Variants in BTBD9 observed in about 807,000 individuals in gnomAD.
BTBD9 encodes the protein BTB domain containing 9, also known as BTB/POZ domain-containing protein 9.
In BTBD9, 49 loss-of-function variants were observed where a neutral mutation model predicts 64.3. The ratio of observed to expected loss-of-function variants is 0.76; its 90% CI spans 0.61 to 0.97. BTBD9 has a LOEUF of 0.97. Among genes scored for constraint, BTBD9 ranks in the 50% least tolerant of loss-of-function variants. The pLI is 0.00. For missense variants in BTBD9, 598 were observed against 762.1 expected, an observed-to-expected ratio of 0.78 and a Z score of 2.53; for synonymous variants, 260 against 274.7, an observed-to-expected ratio of 0.95 and a Z score of 0.53.
intron 6 of BTBD9, among the ~76,000 whole-genome samples, chr6:38,511,367 G>C (rs1582553184): frequency 7.2e-6 from 1 of 139,778 alleles, no homozygotes; most frequent in Admixed American, 7.6e-5. Context: ...TTTTGAGACA[G>C]GGTCTCACTC....
intron 9 of BTBD9, among the ~76,000 whole-genome samples, chr6:38,250,526 T>C (rs1764354566): frequency 6.6e-6 from 1 of 152,170 alleles, no homozygotes; most frequent in African/African-American, 2.4e-5. Context: ...TCATGAACAA[T>C]GTTTATATGA....
chr6:38,400,555 C>A (rs1037320240), intron 6 of BTBD9, among the ~76,000 whole-genome samples: 2 of 152,130 alleles, frequency 1.3e-5, no homozygotes, highest in African/African-American at 4.8e-5. Context: ...CCTTTTGTAA[C>A]ATCTTCCCTA....
At chr6:38,603,389 T>C (rs1162939545) in intron 1 of BTBD9, among the ~76,000 whole-genome samples, 1 of 152,234 alleles carries the variant, frequency 6.6e-6, no homozygotes, top group Non-Finnish European at 1.5e-5. Flanking sequence ...TATTGCCTGC[T>C]TATTATTCAG....
intron 6 of BTBD9, among the ~76,000 whole-genome samples, chr6:38,419,857 C>T (rs1299239258): frequency 3.3e-5 from 5 of 151,898 alleles, no homozygotes; most frequent in South Asian, 4.2e-4. Context: ...GCAACAAGAG[C>T]GAAACTCCAT....
At chr6:38,564,060 G>A (rs964124722) in intron 6 of BTBD9, among the ~76,000 whole-genome samples, 2 of 152,232 alleles carry the variant, frequency 1.3e-5, no homozygotes, top group East Asian at 3.9e-4. Context: ...GGGATTACAG[G>A]CGTGAGCCAC....
intron 7 of BTBD9, among the ~76,000 whole-genome samples, chr6:38,341,945 T>C (rs1764119255): frequency 6.6e-6 from 1 of 152,168 alleles, no homozygotes; most frequent in African/African-American, 2.4e-5. Flanking sequence ...AAGCCTCCCA[T>C]GAGTCTGTGC....
At chr6:38,568,228 C>T (rs1400281135) in intron 6 of BTBD9, among the ~76,000 whole-genome samples, 8 of 152,164 alleles carry the variant, frequency 5.3e-5, no homozygotes, top group Non-Finnish European at 1.2e-4. Context: ...TTTTAGAGCA[C>T]CATTGCCAAA....
intron 6 of BTBD9, among the ~76,000 whole-genome samples, chr6:38,555,940 T>C (rs1774992623): frequency 6.6e-6 from 1 of 152,206 alleles, no homozygotes; most frequent in African/African-American, 2.4e-5. Context: ...CTATAACTAA[T>C]GGGATGGGCA....
At chr6:38,420,606 C>T (rs1333180960) in intron 6 of BTBD9, among the ~76,000 whole-genome samples, 1 of 151,868 alleles carries the variant, frequency 6.6e-6, no homozygotes, top group Non-Finnish European at 1.5e-5. Flanking sequence ...ACCTGTAATC[C>T]CAGCACTTTG....
intron 6 of BTBD9, among the ~76,000 whole-genome samples, chr6:38,508,226 C>A (rs1744078672): frequency 6.6e-6 from 1 of 152,062 alleles, no homozygotes; most frequent in South Asian, 2.1e-4. Flanking sequence ...TGTCTTTTTG[C>A]CACTACCAAC....
intron 6 of BTBD9, among the ~76,000 whole-genome samples, chr6:38,350,315 T>A (rs1764452189): frequency 6.6e-6 from 1 of 152,198 alleles, no homozygotes. Flanking sequence ...TAGATTTAAT[T>A]TCTAAGGCAC....
Position 38,374,307 on chromosome 6 carries a change from G to GTATATATATATGTGTA in BTBD9, c.1155-29215_1155-29214insTACACATATATATATA, listed in dbSNP as rs1765576450. 6.8e-4 allele frequency among the ~76,000 whole-genome samples: 40 copies of GTATATATATATGTGTA among 59,092 alleles called. 1 individual carries two copies. The highest frequency in any genetic ancestry group is 2.7e-3 in the African/African-American group (34 of 12,610). 38.8% of individuals were successfully genotyped at this position (59,092 alleles called of 152,430 possible). ...AGTATATATATATATGTATATATAT[G>GTATATATATATGTGTA]TATATATATATATATATATGTATAT... On this transcript the variant is annotated intron_variant, in intron 6 of 10. Transcript: ENST00000481247.
intron 6 of BTBD9, among the ~76,000 whole-genome samples, chr6:38,567,901 T>C (rs1404366665): frequency 6.6e-6 from 1 of 151,904 alleles, no homozygotes; most frequent in African/African-American, 2.4e-5. Flanking sequence ...CAAAAAAAAA[T>C]AGCAGTGTTA....
intron 6 of BTBD9, among the ~76,000 whole-genome samples, chr6:38,403,160 T>C (rs1312824264): frequency 6.6e-6 from 1 of 151,688 alleles, no homozygotes; most frequent in African/African-American, 2.4e-5. Context: ...AAGGAAAACC[T>C]AAATCACAAG....
chr6:38,489,691 A>G (rs1771612504), intron 6 of BTBD9, among the ~76,000 whole-genome samples: 1 of 152,182 alleles, frequency 6.6e-6, no homozygotes, highest in Non-Finnish European at 1.5e-5. Context: ...ATATTTTTCC[A>G]TTTGATAAGC....
chr6:38,598,682 C>T (rs1358386186), intron 1 of BTBD9, among the ~76,000 whole-genome samples: 1 of 152,080 alleles, frequency 6.6e-6, no homozygotes, highest in Non-Finnish European at 1.5e-5. Context: ...CTTTGGGAGG[C>T]TGAGGTGGGT....
chr6:38,315,412 C>T (rs1762995789), intron 7 of BTBD9, among the ~76,000 whole-genome samples: 1 of 151,342 alleles, frequency 6.6e-6, no homozygotes, highest in African/African-American at 2.4e-5. Flanking sequence ...TTGATGCAGG[C>T]ACTTAACAGC....
chr6:38,353,965 A>C (rs1020712602), intron 6 of BTBD9, among the ~76,000 whole-genome samples: 2 of 152,198 alleles, frequency 1.3e-5, no homozygotes, highest in African/African-American at 4.8e-5. Context: ...ATTGTAACTT[A>C]AAAGTTTAAG....
At chr6:38,437,820 C>T (rs1768808208) in intron 6 of BTBD9, among the ~76,000 whole-genome samples, 1 of 151,506 alleles carries the variant, frequency 6.6e-6, no homozygotes, top group Non-Finnish European at 1.5e-5. Flanking sequence ...TGTATTTAGG[C>T]TTTGAAAAAT....
Sources: gnomAD v4.1 joint callset for allele counts (sites outside exome capture counted in the v4.1 genomes callset) on GRCh38, gnomAD v4.1.1 for gene constraint, MANE v1.5 for transcripts, NCBI Gene and HGNC (gene_info 2026-07-23, HGNC 2026-07-21) for gene names.